Variants in RBFOX1 observed in about 807,000 individuals in gnomAD.
RBFOX1 encodes RNA binding fox-1 homolog 1, also known as RNA binding protein fox-1 homolog 1.
Under a neutral mutation model 57.7 loss-of-function variants are expected in RBFOX1, and 8 were observed. That is an observed-to-expected ratio of 0.14 (90% CI 0.08 to 0.25). RBFOX1 has a LOEUF of 0.25. RBFOX1 is among the 10% of genes least tolerant of loss of function. RBFOX1 has a pLI of 1.00. For synonymous variants in RBFOX1, 326 were observed against 222.4 expected, an observed-to-expected ratio of 1.47 and a Z score of -4.15; for missense variants, 611 against 548.5, an observed-to-expected ratio of 1.11 and a Z score of -1.14.
intron 2 of RBFOX1, among the ~76,000 whole-genome samples, chr16:6,451,357 A>G (rs1055039410): frequency 3.3e-5 from 5 of 152,124 alleles, no homozygotes; most frequent in African/African-American, 1.2e-4. Context: ...GTTCTGCTTA[A>G]CTATGTTGCA....
intron 4 of RBFOX1, among the ~76,000 whole-genome samples, chr16:7,278,304 A>C (rs545627046): frequency 2.0e-5 from 3 of 152,348 alleles, no homozygotes; most frequent in Admixed American, 6.5e-5. Context: ...CGTAATGCTT[A>C]AAGAGAGATC....
intron 1 of RBFOX1, among the ~76,000 whole-genome samples, chr16:6,268,969 A>G (rs2074884598): frequency 6.6e-6 from 1 of 152,174 alleles, no homozygotes; most frequent in Non-Finnish European, 1.5e-5. Context: ...ACCTAAAAAC[A>G]TCCTCCTGTA....
rs552994774 is a variant in RBFOX1, at chr16:7,393,303, G to A, written c.28-124844G>A. Among the ~76,000 whole-genome samples the A allele has an allele frequency of 3.3e-5, 5 of 152,276 alleles. No individual in the cohort carries two copies. In the East Asian group the frequency reaches 5.8e-4, roughly 18 times the overall value. On this transcript the variant is annotated intron_variant, in intron 4 of 15. Coordinates refer to ENST00000550418, the MANE Select transcript of RBFOX1 (RefSeq NM_018723.4). ...ACCTTAATCCTTAAGTTTGTGTCTG[G>A]GAAGATGGGGTACTTGATTGGCAAG... is the stretch of plus-strand genomic sequence containing the variant.
intron 3 of RBFOX1, among the ~76,000 whole-genome samples, chr16:6,829,799 G>A (rs750589538): frequency 2.6e-4 from 40 of 152,082 alleles, no homozygotes; most frequent in African/African-American, 8.9e-4. Context: ...ATAGGATTTC[G>A]CCACGTTGGC....
chr16:5,546,379 A>C (rs35435196), intron 2 of RBFOX1, among the ~76,000 whole-genome samples: 54,305 of 152,066 alleles, frequency 0.36, 10,243 homozygotes, highest in Non-Finnish European at 0.42. Flanking sequence ...GCTTTGAAGA[A>C]GAACAAAGTT....
chr16:7,119,214 A>C (rs2066570457), intron 4 of RBFOX1, among the ~76,000 whole-genome samples: 1 of 152,164 alleles, frequency 6.6e-6, no homozygotes, highest in Non-Finnish European at 1.5e-5. Context: ...ATGCTCTATT[A>C]CTGTAGGTAC....
chr16:7,160,836 T>TTCC (rs56757825), intron 4 of RBFOX1, among the ~76,000 whole-genome samples: 16 of 143,926 alleles, frequency 1.1e-4, no homozygotes, highest in South Asian at 2.4e-4. Context: ...TCCCTCCTCC[T>TTCC]TCCTCCTCCT....
At chr16:6,862,184 T>C (rs549338524) in intron 3 of RBFOX1, among the ~76,000 whole-genome samples, 1 of 152,290 alleles carries the variant, frequency 6.6e-6, no homozygotes, top group South Asian at 2.1e-4. Context: ...GTGTGTGTCA[T>C]GTTTAGGGAC....
At chr16:7,108,553 T>C (rs1478697) in intron 4 of RBFOX1, among the ~76,000 whole-genome samples, 48,621 of 152,054 alleles carry the variant, frequency 0.32, 8,581 homozygotes, top group South Asian at 0.39. Context: ...GGTGATTCTG[T>C]ATGTGCCTGT....
intron 1 of RBFOX1, among the ~76,000 whole-genome samples, chr16:6,094,369 C>G (rs1302769376): frequency 6.6e-6 from 1 of 152,162 alleles, no homozygotes; most frequent in African/African-American, 2.4e-5. Context: ...TTCTCAGCAA[C>G]AAGGAGGCAT....
chr16:6,942,317 AC>A (rs1245007209), intron 3 of RBFOX1, among the ~76,000 whole-genome samples: 1 of 152,104 alleles, frequency 6.6e-6, no homozygotes, highest in East Asian at 1.9e-4. Flanking sequence ...ACTGGCACAC[AC>A]CACCACGCTC....
intron 3 of RBFOX1, among the ~76,000 whole-genome samples, chr16:5,769,453 C>G (rs746063278): frequency 7.0e-6 from 1 of 142,758 alleles, no homozygotes; most frequent in Non-Finnish European, 1.5e-5. Flanking sequence ...CCAGCCTGGC[C>G]AACATGATGA....
At chr16:6,854,179 CG>C (rs1411792364) in intron 3 of RBFOX1, among the ~76,000 whole-genome samples, 1 of 152,038 alleles carries the variant, frequency 6.6e-6, no homozygotes, top group Non-Finnish European at 1.5e-5. Context: ...GTTTCAATAA[CG>C]GTTTCTGGGG....
chr16:7,001,526 A>G (rs1050968368), intron 3 of RBFOX1, among the ~76,000 whole-genome samples: 1 of 151,944 alleles, frequency 6.6e-6, no homozygotes, highest in Non-Finnish European at 1.5e-5. Flanking sequence ...GCATGATCTC[A>G]ACTCGTTGCA....
chr16:5,722,741 T>C (rs1418658264), intron 3 of RBFOX1, among the ~76,000 whole-genome samples: 1 of 152,224 alleles, frequency 6.6e-6, no homozygotes, highest in African/African-American at 2.4e-5. Flanking sequence ...CATTCTATGC[T>C]TGTAATATTC....
chr16:6,189,130 C>T (rs2097126210), intron 1 of RBFOX1, among the ~76,000 whole-genome samples: 1 of 152,206 alleles, frequency 6.6e-6, no homozygotes, highest in African/African-American at 2.4e-5. Flanking sequence ...GTTCCATTTT[C>T]CATCTGTTGT....
At chr16:6,771,362 T>C (rs781559882) in intron 3 of RBFOX1, among the ~76,000 whole-genome samples, 8 of 152,286 alleles carry the variant, frequency 5.3e-5, no homozygotes, top group Middle Eastern at 6.8e-3. Context: ...TTAGATATGA[T>C]GCAGATAGTA....
chr16:7,166,656 G>A (rs1011396590), intron 4 of RBFOX1, among the ~76,000 whole-genome samples: 3 of 152,114 alleles, frequency 2.0e-5, no homozygotes, highest in African/African-American at 7.2e-5. Flanking sequence ...TGGTGAGGAA[G>A]GGGTGAGTGT....
intron 1 of RBFOX1, among the ~76,000 whole-genome samples, chr16:6,232,824 C>G (rs1325880796): frequency 6.6e-6 from 1 of 152,128 alleles, no homozygotes; most frequent in East Asian, 1.9e-4. Context: ...GCTGGTGAAG[C>G]TGGGTCCCTA....
Sources: allele counts gnomAD v4.1 joint callset (sites outside exome capture counted in the v4.1 genomes callset), GRCh38; gene constraint gnomAD v4.1.1; transcripts MANE v1.5; gene names NCBI Gene and HGNC (gene_info 2026-07-23, HGNC 2026-07-21).